Variants in FRAS1 observed in about 807,000 individuals in gnomAD.
FRAS1 encodes extracellular matrix organizing protein FRAS1.
FRAS1 carries 290 observed loss-of-function variants against 435.2 expected under a neutral mutation model. The observed-to-expected ratio is 0.67, with a 90% CI of 0.61 to 0.73. The LOEUF is 0.73. Ranked by LOEUF, FRAS1 falls within the 30% of genes least tolerant of loss-of-function variation. FRAS1 has a pLI of 0.00. For missense variants in FRAS1, 4,860 were observed against 5,001.5 expected (o/e 0.97, Z 0.85); for synonymous variants, 1,800 against 1,851.0 (o/e 0.97, Z 0.71).
At chr4:78,268,426 C>G (rs1454792405) in intron 9 of FRAS1, among the ~76,000 whole-genome samples, 1 of 152,094 alleles carries the variant, frequency 6.6e-6, no homozygotes, top group Non-Finnish European at 1.5e-5. Context: ...CCTTAGATGC[C>G]TTTTCATTTA....
intron 58 of FRAS1, among the ~76,000 whole-genome samples, chr4:78,487,947 G>T (rs149761520): frequency 6.6e-6 from 1 of 152,080 alleles, no homozygotes; most frequent in South Asian, 2.1e-4. Flanking sequence ...ATTTGACTAC[G>T]GTCTCATCCT....
At chr4:78,417,544 G>T (rs1733600302) in intron 32 of FRAS1, among the ~76,000 whole-genome samples, 1 of 152,114 alleles carries the variant, frequency 6.6e-6, no homozygotes, top group Non-Finnish European at 1.5e-5. Context: ...TTATATTAGG[G>T]TGAGAGACCA....
intron 2 of FRAS1, among the ~76,000 whole-genome samples, chr4:78,210,244 CCT>C (rs1723447139): frequency 6.6e-6 from 1 of 152,240 alleles, no homozygotes; most frequent in Non-Finnish European, 1.5e-5. Flanking sequence ...TCTGGGACCA[CCT>C]CCCAGAAGCC....
intron 14 of FRAS1, among the ~76,000 whole-genome samples, chr4:78,301,376 TAAA>T (rs35333600): frequency 1.4e-4 from 20 of 140,306 alleles, no homozygotes; most frequent in Admixed American, 2.8e-4. Flanking sequence ...GCTTGAAGAG[TAAA>T]AAAAAAAAAA....
chr4:78,161,798 T>G (rs1232476851), intron 2 of FRAS1, among the ~76,000 whole-genome samples: 1 of 138,830 alleles, frequency 7.2e-6, no homozygotes, highest in Non-Finnish European at 1.5e-5. Flanking sequence ...GAAAGTGCTC[T>G]CCTACAAAAT....
chr4:78,115,901 A>T (rs1743133676), intron 2 of FRAS1, among the ~76,000 whole-genome samples: 1 of 151,292 alleles, frequency 6.6e-6, no homozygotes, highest in East Asian at 1.9e-4. Context: ...TTGCTTCTCT[A>T]GTTGTTTTAA....
At chr4:78,172,245 G>A (rs10518195) in intron 2 of FRAS1, among the ~76,000 whole-genome samples, 35,290 of 152,056 alleles carry the variant, frequency 0.23, 4,747 homozygotes, top group African/African-American at 0.35. Context: ...GTGCACCAAC[G>A]ATAGTGAAAG....
intron 15 of FRAS1, among the ~76,000 whole-genome samples, chr4:78,311,993 C>CTGTT (rs1246796751): frequency 1.3e-5 from 2 of 151,952 alleles, no homozygotes; most frequent in Non-Finnish European, 1.5e-5. Flanking sequence ...TTTTCTCACT[C>CTGTT]TGTTGTCTTT....
chr4:78,181,294 T>C, intron 2 of FRAS1: 1 of 1,606,394 alleles, frequency 6.2e-7, no homozygotes, highest in Non-Finnish European at 8.5e-7. Flanking sequence ...TGTCTGCCAC[T>C]GGATGATGTT....
chr4:78,424,457 T>G (rs1035874404), intron 35 of FRAS1, 37 bp downstream of exon 35: 18 of 1,187,236 alleles, frequency 1.5e-5, no homozygotes, highest in Non-Finnish European at 2.1e-5. Context: ...AAAGTGAAAT[T>G]TTTTCTTTCC....
chr4:78,134,330 G>GT (rs978289486), intron 2 of FRAS1, among the ~76,000 whole-genome samples: 1 of 151,948 alleles, frequency 6.6e-6, no homozygotes, highest in African/African-American at 2.4e-5. Context: ...GGCCGTAGAG[G>GT]TTTTTTTTCT....
chr4:78,503,347 C>A (rs1376600398), intron 61 of FRAS1, among the ~76,000 whole-genome samples: 2 of 152,104 alleles, frequency 1.3e-5, no homozygotes, highest in Non-Finnish European at 2.9e-5. Flanking sequence ...TGGTCCTGGA[C>A]TTTTTTTGGT....
intron 11 of FRAS1, among the ~76,000 whole-genome samples, chr4:78,281,918 T>A (rs1477205989): frequency 6.6e-6 from 1 of 152,190 alleles, no homozygotes; most frequent in Non-Finnish European, 1.5e-5. Context: ...AATCTTACAA[T>A]AAGGGGTCTG....
At chr4:78,197,315 T>C (rs568901035) in intron 2 of FRAS1, among the ~76,000 whole-genome samples, 1 of 152,318 alleles carries the variant, frequency 6.6e-6, no homozygotes, top group African/African-American at 2.4e-5. Flanking sequence ...TAAAGACACA[T>C]CTGTAAAGCG....
chr4:78,117,138 T>C (rs925638619), intron 2 of FRAS1, among the ~76,000 whole-genome samples: 2 of 152,228 alleles, frequency 1.3e-5, no homozygotes, highest in Non-Finnish European at 2.9e-5. Context: ...TGCTTGTCTT[T>C]AAAGAATGTT....
At chr4:78,114,842 C>T (rs1377311414) in intron 2 of FRAS1, among the ~76,000 whole-genome samples, 4 of 152,174 alleles carry the variant, frequency 2.6e-5, no homozygotes, top group Non-Finnish European at 4.4e-5. Flanking sequence ...GCCTGATTGC[C>T]CTGGCCAGAA....
chr4:78,368,823 T>C (rs1420801237), intron 22 of FRAS1, among the ~76,000 whole-genome samples: 1 of 152,320 alleles, frequency 6.6e-6, no homozygotes, highest in South Asian at 2.1e-4. Context: ...GATTCAAATA[T>C]GCATGTTATA....
At chr4:78,093,734 G>T (rs920494757) in intron 2 of FRAS1, among the ~76,000 whole-genome samples, 9 of 152,100 alleles carry the variant, frequency 5.9e-5, no homozygotes, top group African/African-American at 2.2e-4. Context: ...GCCAGTGAAT[G>T]GTGAAAGAAC....
chr4:78,134,242 A>T (rs1434663230), intron 2 of FRAS1, among the ~76,000 whole-genome samples: 2 of 152,142 alleles, frequency 1.3e-5, no homozygotes, highest in African/African-American at 4.8e-5. Context: ...TTTGAGCCTT[A>T]TCGGGATTTG....
Sources: gnomAD v4.1 joint callset for allele counts (sites outside exome capture counted in the v4.1 genomes callset) on GRCh38, gnomAD v4.1.1 for gene constraint, MANE v1.5 for transcripts, NCBI Gene and HGNC (gene_info 2026-07-23, HGNC 2026-07-21) for gene names.